DTNB: variants seen among roughly 807,000 people sequenced by gnomAD.
The protein encoded by DTNB is dystrobrevin beta, also known as DTN-B.
In DTNB, 63 loss-of-function variants were observed where a neutral mutation model predicts 90.7. The ratio of observed to expected loss-of-function variants is 0.69; its 90% confidence interval spans 0.57 to 0.86. The LOEUF is 0.86. DTNB is among the 40% of genes least tolerant of loss of function. DTNB has a pLI of 0.00. For missense variants in DTNB, 744 were observed against 807.1 expected (o/e 0.92, Z 0.95); for synonymous variants, 277 against 286.7 (o/e 0.97, Z 0.34).
At chr2:25,462,164 G>A (rs1479864336) in intron 10 of DTNB, among the ~76,000 whole-genome samples, 1 of 152,168 alleles carries the variant, frequency 6.6e-6, no homozygotes, top group Admixed American at 6.5e-5. Flanking sequence ...GTTTGCAGGT[G>A]CGCTAGCTGC....
chr2:25,455,584 G>T, intron 10 of DTNB, 90 bp from the exon 11 acceptor site: 1 of 1,091,744 alleles, frequency 9.2e-7, no homozygotes, highest in Non-Finnish European at 1.3e-6. Flanking sequence ...AAACTTCAAA[G>T]AAAAATTTAA....
At chr2:25,559,424 G>A (rs1247592536) in intron 8 of DTNB, among the ~76,000 whole-genome samples, 1 of 152,150 alleles carries the variant, frequency 6.6e-6, no homozygotes, top group Non-Finnish European at 1.5e-5. Context: ...CCAGGTGGAG[G>A]AGAAGTCCTC....
chr2:25,577,067 G>A (rs1572845087), intron 7 of DTNB, 63 bp from the exon 8 acceptor site: 1 of 1,448,306 alleles, frequency 6.9e-7, no homozygotes, highest in East Asian at 2.5e-5. Context: ...AATAAAAGAA[G>A]AAAGAATAAA....
In DTNB at chr2:25,387,323, G is replaced by A; in HGVS notation, c.1791C>T (p.Asn597=). The change falls in exon 18 of 21, where the codon AAC becomes AAT. Residue 597 remains asparagine (N), a synonymous_variant. Coordinates refer to ENST00000406818, the MANE Select transcript of DTNB (RefSeq NM_021907.5). This position sits in a 1 kb window ranked among gnomAD's most constrained non-coding sequence, Gnocchi z 4.5. ...GCTCCTTCACCAGGGATGACATGGT[G>A]TTGGTGATGGAGTCAGCTGCCACCA... ...DLLVAADSIT[N]TMSSLVKELH... The A allele has an allele frequency of 6.2e-7, 1 of 1,611,808 alleles. No individual in the cohort carries two copies. Among genetic ancestry groups the A allele is most frequent in the Non-Finnish European group, 8.5e-7 (1 of 1,179,214 alleles).
chr2:25,465,464 A>G (rs1420620558), intron 10 of DTNB, among the ~76,000 whole-genome samples: 1 of 152,190 alleles, frequency 6.6e-6, no homozygotes, highest in African/African-American at 2.4e-5. Context: ...CTTTAAGCCT[A>G]AAACTATTCT....
Position 25,576,821 on chromosome 2 carries a change from A to C in DTNB, c.876+17T>G. On this transcript the variant is annotated intron_variant, in intron 8 of 20. Transcript: ENST00000406818. ...AGATTAACACTCAGGGACACAGATG[A>C]AACACAAAGCAGTTACCCAAGAGGA... 1 of 1,604,520 alleles carries C rather than the reference A, an allele frequency of 6.2e-7. No individual in the cohort carries two copies.
At chr2:25,496,155 T>C (rs2068786274) in intron 9 of DTNB, among the ~76,000 whole-genome samples, 1 of 152,226 alleles carries the variant, frequency 6.6e-6, no homozygotes, top group Non-Finnish European at 1.5e-5. Flanking sequence ...AAATTAACTA[T>C]TTAACAGTAT....
chr2:25,609,655 T>A (rs1056203364), intron 4 of DTNB, among the ~76,000 whole-genome samples: 1 of 55,158 alleles, frequency 1.8e-5, no homozygotes, highest in Admixed American at 2.2e-4. Context: ...CATAATAGAA[T>A]GTACACACAC....
Position 25,547,775 on chromosome 2 carries a change from G to A in DTNB, c.877-16178C>T, listed in dbSNP as rs2082743319. ...TGAAGTTTTGAAAGAACTCACCTGTGAAATAGTCGAGGCTTGATGCTTTCT... is the reference window on the plus strand; with the variant it reads ...TGAAGTTTTGAAAGAACTCACCTGTAAAATAGTCGAGGCTTGATGCTTTCT... On this transcript the variant is annotated intron_variant, in intron 8 of 20. Coordinates refer to ENST00000406818, the MANE Select transcript of DTNB (RefSeq NM_021907.5). Among the ~76,000 whole-genome samples, 4 of 152,300 alleles carry A rather than the reference G, an allele frequency of 2.6e-5. No homozygotes were observed. The South Asian group carries it at 8.3e-4, about 32-fold the overall frequency.
At chr2:25,388,387 G>A (rs765389796) in intron 16 of DTNB, 26 bp from the exon 17 acceptor site, 18 of 1,582,044 alleles carry the variant, frequency 1.1e-5, no homozygotes, top group African/African-American at 4.0e-5. Flanking sequence ...CAGAAAATAC[G>A]TTATCTCAAG....
At chr2:25,435,053 C>G (rs946842423) in intron 12 of DTNB, among the ~76,000 whole-genome samples, 5 of 152,228 alleles carry the variant, frequency 3.3e-5, no homozygotes, top group African/African-American at 1.2e-4. Context: ...CAGAGTCTCA[C>G]TCTGTCACCA....
chr2:25,407,899 C>A (rs533875866), intron 16 of DTNB, among the ~76,000 whole-genome samples: 69 of 152,254 alleles, frequency 4.5e-4, no homozygotes, highest in Non-Finnish European at 7.5e-4. Flanking sequence ...AACCAAAAAC[C>A]ACTTGTACCC....
chr2:25,616,182 G>A (rs1202209037), intron 4 of DTNB, among the ~76,000 whole-genome samples: 8 of 152,162 alleles, frequency 5.3e-5, no homozygotes, highest in Admixed American at 5.2e-4. Flanking sequence ...AGGAAAGTGT[G>A]GCAGAGTCCA....
At chr2:25,527,846 C>G (rs1369653547) in intron 9 of DTNB, among the ~76,000 whole-genome samples, 4 of 152,038 alleles carry the variant, frequency 2.6e-5, no homozygotes, top group African/African-American at 4.8e-5. Context: ...ATAACCCTTC[C>G]AAATCTTGAA....
At chr2:25,536,944 G>C (rs907107553) in intron 8 of DTNB, among the ~76,000 whole-genome samples, 2 of 151,860 alleles carry the variant, frequency 1.3e-5, no homozygotes, top group African/African-American at 4.8e-5. Flanking sequence ...GGTTTCACCT[G>C]GTTGGCCAGG....
chr2:25,619,758 G>A (rs563683732), intron 4 of DTNB, among the ~76,000 whole-genome samples: 1 of 152,254 alleles, frequency 6.6e-6, no homozygotes, highest in South Asian at 2.1e-4. Flanking sequence ...AACTTGGGTT[G>A]AGGCCGGGTG....
chr2:25,443,237 T>A (rs1257969197), intron 12 of DTNB, among the ~76,000 whole-genome samples: 4 of 152,200 alleles, frequency 2.6e-5, no homozygotes, highest in Admixed American at 6.5e-5. Context: ...CAGACTGGGA[T>A]CCATTTACTA....
chr2:25,501,207 G>GTT (rs5829979), intron 9 of DTNB, among the ~76,000 whole-genome samples: 19 of 149,054 alleles, frequency 1.3e-4, no homozygotes, highest in Admixed American at 2.0e-4. Flanking sequence ...AGATCTAGAA[G>GTT]TTTTTTTTTT....
intron 2 of DTNB, among the ~76,000 whole-genome samples, chr2:25,649,653 A>G (rs1384256029): frequency 6.6e-6 from 1 of 152,140 alleles, no homozygotes. Context: ...CTGGAGGTTG[A>G]GTCTGCAGTG....
Sources: gnomAD v4.1 joint callset for allele counts (sites outside exome capture counted in the v4.1 genomes callset) on GRCh38, gnomAD v4.1.1 for gene constraint, Gnocchi (gnomAD v3.1) non-coding constraint, MANE v1.5 for transcripts, NCBI Gene and HGNC (gene_info 2026-07-23, HGNC 2026-07-21) for gene names.